TECRL: variants seen among roughly 807,000 people sequenced by gnomAD.
TECRL encodes the protein trans-2,3-enoyl-CoA reductase like, also known as trans-2,3-enoyl-CoA reductase-like.
Under a neutral mutation model 52.8 loss-of-function variants are expected in TECRL, and 63 were observed. The observed-to-expected ratio is 1.19, with a 90% CI of 0.97 to 1.47. TECRL has a LOEUF of 1.47. Among genes scored for constraint, TECRL ranks in the 40% most tolerant of loss-of-function variants. The pLI is 0.00. For missense variants in TECRL, 482 were observed against 429.6 expected (o/e 1.12, Z -1.08); for synonymous variants, 164 against 141.9 (o/e 1.16, Z -1.10).
At chr4:64,322,536 C>T (rs376825570) in intron 4 of TECRL, among the ~76,000 whole-genome samples, 153 bp downstream of exon 4, 2 of 149,326 alleles carry the variant, frequency 1.3e-5, no homozygotes, top group East Asian at 2.0e-4. Flanking sequence ...TTGAGTAGAA[C>T]TTTGGCCACT....
intron 7 of TECRL, among the ~76,000 whole-genome samples, chr4:64,303,520 G>T (rs765211289): frequency 2.6e-5 from 4 of 151,642 alleles, no homozygotes; most frequent in Non-Finnish European, 5.9e-5. Context: ...CTATGCTATA[G>T]ATTATTTTCC....
At chr4:64,403,475 G>GCGCATACA (rs59253067) in intron 1 of TECRL, among the ~76,000 whole-genome samples, 2 of 148,238 alleles carry the variant, frequency 1.3e-5, no homozygotes, top group Non-Finnish European at 3.0e-5. Flanking sequence ...CTCCCTGAGC[G>GCGCATACA]CACACACACA....
At chr4:64,311,049 G>C (rs1272746105) in intron 5 of TECRL, among the ~76,000 whole-genome samples, 1 of 152,114 alleles carries the variant, frequency 6.6e-6, no homozygotes, top group Non-Finnish European at 1.5e-5. Flanking sequence ...TAAAGGTTGA[G>C]CATAAAAATC....
At chr4:64,388,856 T>C (rs1723357721) in intron 1 of TECRL, among the ~76,000 whole-genome samples, 1 of 151,860 alleles carries the variant, frequency 6.6e-6, no homozygotes, top group African/African-American at 2.4e-5. Context: ...TACACATGAT[T>C]GTTTTATATA....
rs1577787544 is a variant in TECRL at position 64,279,793 on chromosome 4, G to A, written c.*279C>T. 2.0e-6 allele frequency: 2 copies of A among 1,003,378 alleles called. No homozygotes were observed. Among genetic ancestry groups the A allele is most frequent in the African/African-American group, 1.7e-5 (1 of 57,764 alleles). 62.2% of individuals were successfully genotyped at this position (1,003,378 alleles called of 1,614,324 possible). A position where few individuals can be genotyped will look rare whatever the true frequency, so the allele number is the denominator to read the frequency against. ...TGTGGTATTTTGTCTTATGCAAATA[G>A]TATTGTGAAGTATTAATGAAGTAAG... On this transcript the variant is annotated 3_prime_UTR_variant, in exon 12 of 12. Transcript: ENST00000381210.
chr4:64,334,277 G>T (rs972237659), intron 2 of TECRL, among the ~76,000 whole-genome samples: 1 of 151,740 alleles, frequency 6.6e-6, no homozygotes, highest in Non-Finnish European at 1.5e-5. Context: ...AAATTAGCTG[G>T]GTTTATTTTG....
At chr4:64,335,575 TC>T (rs1719011523) in intron 2 of TECRL, among the ~76,000 whole-genome samples, 1 of 152,180 alleles carries the variant, frequency 6.6e-6, no homozygotes, top group Non-Finnish European at 1.5e-5. Context: ...GAAATTGCCT[TC>T]CATGAAACTG....
intron 1 of TECRL, among the ~76,000 whole-genome samples, chr4:64,403,503 A>ACACACC: frequency 2.0e-5 from 3 of 151,806 alleles, no homozygotes; most frequent in Non-Finnish European, 4.4e-5. Flanking sequence ...ACACACACAC[A>ACACACC]TAGACTTAGT....
chr4:64,281,442 G>T, intron 10 of TECRL, 32 bp downstream of exon 10: 2 of 1,283,714 alleles, frequency 1.6e-6, no homozygotes, highest in Non-Finnish European at 2.2e-6. Flanking sequence ...TCATGAATAG[G>T]ATTCAAGCAT....
rs777390823 is a variant in TECRL, at chr4:64,281,460, C to T, written c.918+14G>A. On this transcript the variant is annotated intron_variant, in intron 10 of 11. Transcript: ENST00000381210. ...TGAATAGGATTCAAGCATTTACATA[C>T]ATAAATAACATACCTCATAGGTGTA... is the stretch of plus-strand genomic sequence containing the variant. 6 of 1,488,600 alleles carry T rather than the reference C, an allele frequency of 4.0e-6. No homozygotes were observed. The Admixed American group carries it at 7.3e-5, about 18-fold the overall frequency. 92.2% of individuals were successfully genotyped at this position (1,488,600 alleles called of 1,614,324 possible). A position where few individuals can be genotyped will look rare whatever the true frequency, so the allele number is the denominator to read the frequency against.
intron 2 of TECRL, among the ~76,000 whole-genome samples, chr4:64,340,707 G>T (rs1719507196): frequency 1.3e-5 from 2 of 152,222 alleles, no homozygotes; most frequent in African/African-American, 4.8e-5. Context: ...CCTGGGCAGA[G>T]GGGGCCAGTT....
intron 2 of TECRL, among the ~76,000 whole-genome samples, chr4:64,340,281 G>C (rs1467339103): frequency 3.3e-5 from 5 of 152,178 alleles, no homozygotes; most frequent in African/African-American, 1.2e-4. Context: ...ACTCCATGGA[G>C]CAGGCATGAC....
intron 2 of TECRL, among the ~76,000 whole-genome samples, chr4:64,345,920 A>AAAAAAAAAAAAAAAAC (rs1719936404): frequency 6.9e-6 from 1 of 144,724 alleles, no homozygotes; most frequent in Non-Finnish European, 1.5e-5. Context: ...AAAAAAAAAA[A>AAAAAAAAAAAAAAAAC]AAAAAAAAAA....
intron 4 of TECRL, among the ~76,000 whole-genome samples, chr4:64,317,571 T>G (rs1717593552): frequency 6.6e-6 from 1 of 152,228 alleles, no homozygotes; most frequent in African/African-American, 2.4e-5. Context: ...GCATAAAGTT[T>G]TGGGAGCATT....
In TECRL at chr4:64,334,030, CAAA is replaced by C. The variant is rs4034910; in HGVS notation, c.287-5477_287-5475del. On this transcript the variant is annotated intron_variant, in intron 2 of 11. Transcript: ENST00000381210. Reference sequence around the variant, plus strand: ...TGGGCGACAGAGCGAGACTCCGTCTCAAAAAAAAAAAAAAAAAAAGAAAAAGAG... The same window carrying C: ...TGGGCGACAGAGCGAGACTCCGTCTCAAAAAAAAAAAAAAAAGAAAAAGAG... Among the ~76,000 whole-genome samples the C allele has an allele frequency of 5.3e-4, 15 of 28,042 alleles. 3 individuals are homozygous for C. Among genetic ancestry groups the C allele is most frequent in the Admixed American group, 2.2e-3 (4 of 1,858 alleles). 18.4% of individuals were successfully genotyped at this position (28,042 alleles called of 152,430 possible).
chr4:64,408,586 C>T (rs1271095759), intron 1 of TECRL, among the ~76,000 whole-genome samples: 1 of 151,760 alleles, frequency 6.6e-6, no homozygotes, highest in African/African-American at 2.4e-5. Context: ...AGCAAGTAAA[C>T]TTTCATAAAA....
chr4:64,379,231 AAC>A (rs375375876), intron 1 of TECRL, among the ~76,000 whole-genome samples: 28 of 115,000 alleles, frequency 2.4e-4, no homozygotes, highest in East Asian at 2.1e-3. Context: ...TATTTATGCA[AAC>A]ACACACACAC....
intron 4 of TECRL, among the ~76,000 whole-genome samples, chr4:64,321,493 A>C (rs1454472284): frequency 6.6e-6 from 1 of 152,282 alleles, no homozygotes; most frequent in East Asian, 1.9e-4. Context: ...TAGTTTAAAT[A>C]ATACAAATAA....
chr4:64,294,278 C>A (rs945914666), intron 8 of TECRL, among the ~76,000 whole-genome samples: 13 of 151,962 alleles, frequency 8.6e-5, no homozygotes, highest in Non-Finnish European at 1.5e-4. Flanking sequence ...TGAGCCACAG[C>A]GCCCAGCCGG....
Sources: gnomAD v4.1 joint callset for allele counts (sites outside exome capture counted in the v4.1 genomes callset) on GRCh38, gnomAD v4.1.1 for gene constraint, MANE v1.5 for transcripts, NCBI Gene and HGNC (gene_info 2026-07-23, HGNC 2026-07-21) for gene names.